GAB2: variants seen among roughly 807,000 people sequenced by gnomAD.
GAB2 encodes the protein GRB2 associated binding protein 2.
Under a neutral mutation model 65.5 loss-of-function variants are expected in GAB2, and 26 were observed. The ratio of observed to expected loss-of-function variants is 0.40; its 90% CI spans 0.29 to 0.55. The LOEUF is 0.55. GAB2 is among the 20% of genes least tolerant of loss of function. The pLI is 0.53. For missense variants in GAB2, 884 were observed against 875.8 expected, an observed-to-expected ratio of 1.01 and a Z score of -0.12; for synonymous variants, 321 against 329.6, an observed-to-expected ratio of 0.97 and a Z score of 0.28.
intron 1 of GAB2, among the ~76,000 whole-genome samples, chr11:78,349,256 C>T (rs1232779533): frequency 2.0e-5 from 3 of 152,216 alleles, no homozygotes; most frequent in Non-Finnish European, 2.9e-5. Context: ...CAAGCTACTA[C>T]CTCCCATATC....
intron 1 of GAB2, among the ~76,000 whole-genome samples, chr11:78,351,922 G>A (rs2134705569): frequency 6.6e-6 from 1 of 152,262 alleles, no homozygotes; most frequent in Admixed American, 6.5e-5. Context: ...AAAAAGAATT[G>A]GGGGGCCAGG....
intron 3 of GAB2, among the ~76,000 whole-genome samples, chr11:78,227,738 TAGAG>T (rs1864723876): frequency 6.6e-6 from 1 of 151,782 alleles, no homozygotes; most frequent in Non-Finnish European, 1.5e-5. Context: ...AGTTCGAAGT[TAGAG>T]TGAGCTATGA....
intron 3 of GAB2, among the ~76,000 whole-genome samples, chr11:78,243,268 G>T (rs553308869): frequency 6.6e-6 from 1 of 152,056 alleles, no homozygotes; most frequent in African/African-American, 2.4e-5. Flanking sequence ...AGGAGTTAGA[G>T]ACCAACCTGG....
chr11:78,223,878 C>T (rs941210281), intron 5 of GAB2, among the ~76,000 whole-genome samples: 39 of 151,966 alleles, frequency 2.6e-4, no homozygotes, highest in Admixed American at 1.7e-3. Context: ...GTGAGGGGTT[C>T]GAGACCAGCT....
chr11:78,242,189 G>A (rs1865151662), intron 3 of GAB2, among the ~76,000 whole-genome samples: 1 of 152,172 alleles, frequency 6.6e-6, no homozygotes, highest in African/African-American at 2.4e-5. Flanking sequence ...ATGATTTAAT[G>A]GGTCAATGAA....
At position 78,219,317 on chromosome 11, in the gene GAB2, T is replaced by A; in HGVS notation, c.1986A>T (p.Thr662=). 1 of 1,613,902 alleles carries A rather than the reference T, an allele frequency of 6.2e-7. No individual in the cohort carries two copies. Among genetic ancestry groups the A allele is most frequent in the Non-Finnish European group, 8.5e-7 (1 of 1,179,936 alleles). The change falls in exon 10 of 10, where the codon ACA becomes ACT. Residue 662 remains threonine (T), a synonymous_variant. Coordinates refer to ENST00000361507, the MANE Select transcript of GAB2 (RefSeq NM_080491.3). ...QALQNTMQEW[T]DVRQSSEPSK... ...AAGGCTCTGAGGACTGCCGCACGTCTGTCCACTCCTGCATGGTGTTCTGCA... is the reference window on the plus strand; with the variant it reads ...AAGGCTCTGAGGACTGCCGCACGTCAGTCCACTCCTGCATGGTGTTCTGCA...
chr11:78,370,631 A>G (rs1249015019), intron 1 of GAB2, among the ~76,000 whole-genome samples: 1 of 152,144 alleles, frequency 6.6e-6, no homozygotes, highest in East Asian at 1.9e-4. Context: ...GCTACGGCTT[A>G]GCATGAAAAC....
chr11:78,239,232 T>A (rs1451158274), intron 3 of GAB2, among the ~76,000 whole-genome samples: 2 of 152,082 alleles, frequency 1.3e-5, no homozygotes, highest in African/African-American at 4.8e-5. Flanking sequence ...ATTTTATGTA[T>A]TTTTTTGAGA....
In GAB2 at chr11:78,333,710, T is replaced by C. The variant is rs192654556; in HGVS notation, c.76-52809A>G. 2.1e-3 allele frequency among the ~76,000 whole-genome samples: 318 copies of C among 152,306 alleles called. 2 individuals carry two copies. The highest frequency in any genetic ancestry group is 4.3e-3 in the Admixed American group (66 of 15,298). On this transcript the variant is annotated intron_variant, in intron 1 of 9. Coordinates refer to ENST00000361507, the MANE Select transcript of GAB2 (RefSeq NM_080491.3). ...TCACCATGGGTGATCTAAAACTTTT[T>C]GTTGTAAAATCCCATAGATACTTAC...
intron 3 of GAB2, among the ~76,000 whole-genome samples, chr11:78,244,280 T>C (rs1433618740): frequency 6.6e-6 from 1 of 151,990 alleles, no homozygotes; most frequent in Non-Finnish European, 1.5e-5. Context: ...TGGTTCCAGC[T>C]GCTCAAAAGG....
At chr11:78,233,531 T>C (rs533939996) in intron 3 of GAB2, among the ~76,000 whole-genome samples, 1 of 152,350 alleles carries the variant, frequency 6.6e-6, no homozygotes, top group South Asian at 2.1e-4. Flanking sequence ...TACTGAGTTG[T>C]AGAAGTTCTT....
At chr11:78,239,455 G>A (rs966087037) in intron 3 of GAB2, among the ~76,000 whole-genome samples, 1 of 152,060 alleles carries the variant, frequency 6.6e-6, no homozygotes, top group African/African-American at 2.4e-5. Flanking sequence ...TCCTGACCTC[G>A]TGATCCACCT....
Position 78,223,524 on chromosome 11 carries a change from G to A in GAB2, c.1455C>T (p.His485=). ...TTGATGGGTAGCCAAGTGAGTCAAA[G>A]TGATGGGCCCCTGGGCTCATTGGGA... ...VYIPMSPGAH[H]FDSLGYPSTT... is the part of the protein sequence containing the mutation. The change falls in exon 6 of 10, where the codon CAC becomes CAT. Residue 485 remains histidine (H), a synonymous_variant. Coordinates refer to ENST00000361507, the MANE Select transcript of GAB2 (RefSeq NM_080491.3). 6.2e-7 allele frequency: 1 copy of A among 1,613,320 alleles called. No homozygotes were observed. Among genetic ancestry groups the A allele is most frequent in the Non-Finnish European group, 8.5e-7 (1 of 1,179,628 alleles).
chr11:78,399,780 C>T (rs180959251), intron 1 of GAB2, among the ~76,000 whole-genome samples: 28 of 152,178 alleles, frequency 1.8e-4, no homozygotes, highest in South Asian at 2.1e-4. Context: ...GTACTTAATA[C>T]TCTGGACTAG....
chr11:78,391,596 C>T (rs1856834678), intron 1 of GAB2, among the ~76,000 whole-genome samples: 2 of 152,200 alleles, frequency 1.3e-5, no homozygotes, highest in Admixed American at 6.5e-5. Context: ...CATGTAAAGG[C>T]CACTGGTAGG....
chr11:78,275,799 T>G (rs1689895655), intron 2 of GAB2, among the ~76,000 whole-genome samples: 1 of 152,144 alleles, frequency 6.6e-6, no homozygotes, highest in Non-Finnish European at 1.5e-5. Context: ...TATCTATATA[T>G]CTATATCTAT....
intron 1 of GAB2, chr11:78,364,205 T>C (rs1856469412): frequency 6.6e-6 from 1 of 152,008 alleles, no homozygotes; most frequent in Admixed American, 6.6e-5. Flanking sequence ...TTCCCTAGTG[T>C]CCTTTCCACA....
chr11:78,401,633 G>A (rs1856974774), intron 1 of GAB2, among the ~76,000 whole-genome samples: 1 of 150,860 alleles, frequency 6.6e-6, no homozygotes, highest in Non-Finnish European at 1.5e-5. Context: ...CCCTTTTAAG[G>A]CTGAACAGTA....
In GAB2 at chr11:78,348,299, CAT is replaced by C. The variant is rs375798546; in HGVS notation, c.76-67400_76-67399del. 2.2e-3 allele frequency among the ~76,000 whole-genome samples: 333 copies of C among 152,314 alleles called. 1 individual carries two copies. The highest frequency in any genetic ancestry group is 7.0e-3 in the African/African-American group (292 of 41,572). The stretch of plus-strand genomic sequence containing the variant: ...TTTGTTCAAGGATCAGTTGTATTCA[CAT>C]GTTTTCACAGATTGAAGGAAATGTT... On this transcript the variant is annotated intron_variant, in intron 1 of 9. Coordinates refer to ENST00000361507, the MANE Select transcript of GAB2 (RefSeq NM_080491.3).
Sources: gnomAD v4.1 joint callset for allele counts (sites outside exome capture counted in the v4.1 genomes callset) on GRCh38, gnomAD v4.1.1 for gene constraint, MANE v1.5 for transcripts, NCBI Gene and HGNC (gene_info 2026-07-23, HGNC 2026-07-21) for gene names.